ITPRID1: variants seen among roughly 807,000 people sequenced by gnomAD.
ITPRID1 encodes ITPR interacting domain containing 1, also known as protein ITPRID1.
ITPRID1 carries 96 observed loss-of-function variants against 95.4 expected under a neutral mutation model. The observed-to-expected ratio is 1.01, with a 90% confidence interval of 0.85 to 1.19. The LOEUF is 1.19. ITPRID1 is among the 50% of genes most tolerant of loss of function. ITPRID1 has a pLI of 0.00. For synonymous variants in ITPRID1, 510 were observed against 453.6 expected, an observed-to-expected ratio of 1.12 and a Z score of -1.58; for missense variants, 1,339 against 1,252.9, an observed-to-expected ratio of 1.07 and a Z score of -1.04.
chr7:31,572,209 T>C, intron 7 of ITPRID1, 21 bp downstream of exon 7: 1 of 1,490,764 alleles, frequency 6.7e-7, no homozygotes, highest in Non-Finnish European at 9.3e-7. Context: ...TCCAGGTGCT[T>C]TTCATCCTGA....
chr7:31,657,670 C>T (rs950911298), downstream of ITPRID1, among the ~76,000 whole-genome samples: 2 of 152,104 alleles, frequency 1.3e-5, no homozygotes, highest in African/African-American at 2.4e-5. Flanking sequence ...GTCCCAAGAT[C>T]CTGTATTCCT....
intron 10 of ITPRID1, among the ~76,000 whole-genome samples, chr7:31,630,069 T>C (rs921938069): frequency 2.6e-5 from 4 of 152,138 alleles, no homozygotes; most frequent in Non-Finnish European, 5.9e-5. Context: ...AATGAAATTG[T>C]CAACAAATAC....
chr7:31,600,400 G>A (rs754447421), intron 10 of ITPRID1, among the ~76,000 whole-genome samples: 1 of 152,154 alleles, frequency 6.6e-6, no homozygotes, highest in Non-Finnish European at 1.5e-5. Flanking sequence ...AAAGGGGATT[G>A]TTTAAAAAAT....
intron 1 of ITPRID1, among the ~76,000 whole-genome samples, chr7:31,520,841 A>G (rs1313988216): frequency 6.6e-6 from 1 of 152,022 alleles, no homozygotes; most frequent in African/African-American, 2.4e-5. Context: ...TAAGTTAAAC[A>G]TGAGTTAATA....
intron 1 of ITPRID1, among the ~76,000 whole-genome samples, chr7:31,516,825 G>C (rs1583448303): frequency 6.6e-6 from 1 of 152,108 alleles, no homozygotes; most frequent in African/African-American, 2.4e-5. Flanking sequence ...AGAAGTGGTG[G>C]GTTCTCGGTC....
chr7:31,605,600 A>G (rs2191344), intron 10 of ITPRID1, among the ~76,000 whole-genome samples: 5,603 of 152,300 alleles, frequency 0.037, 349 homozygotes, highest in African/African-American at 0.13. Flanking sequence ...TATGATAAGC[A>G]TGAGACTTTA....
chr7:31,586,551 A>G (rs1299678096), intron 10 of ITPRID1, among the ~76,000 whole-genome samples: 1 of 150,906 alleles, frequency 6.6e-6, no homozygotes, highest in Non-Finnish European at 1.5e-5. Context: ...GTGAGATGGT[A>G]TCTCATTGTG....
chr7:31,621,971 C>T (rs1787951104), intron 10 of ITPRID1, among the ~76,000 whole-genome samples: 1 of 146,524 alleles, frequency 6.8e-6, no homozygotes, highest in Non-Finnish European at 1.5e-5. Context: ...TCTGATAAAA[C>T]AGACTTTAAA....
chr7:31,566,760 C>T (rs1229421566), intron 5 of ITPRID1, among the ~76,000 whole-genome samples: 3 of 152,196 alleles, frequency 2.0e-5, no homozygotes, highest in Admixed American at 2.0e-4. Flanking sequence ...TTTCTCTCAT[C>T]TGACAACTTC....
At chr7:31,525,949 C>T (rs1783409246) in intron 1 of ITPRID1, among the ~76,000 whole-genome samples, 1 of 151,872 alleles carries the variant, frequency 6.6e-6, no homozygotes, top group Admixed American at 6.6e-5. Flanking sequence ...AACTTTCTGG[C>T]TCACTGGGAA....
rs1269164268 is a variant in ITPRID1 at position 31,651,997 on chromosome 7, T to C, written c.2770T>C (p.Leu924=). The C allele has an allele frequency of 2.5e-6, 4 of 1,606,068 alleles. No individual in the cohort carries two copies. Among genetic ancestry groups the C allele is most frequent in the East Asian group, 2.2e-5 (1 of 44,540 alleles). Residue 924 remains leucine (L), a synonymous_variant, in exon 14 of 15, where the codon TTG becomes CTG. Coordinates refer to ENST00000615280, the MANE Select transcript of ITPRID1 (RefSeq NM_001257967.3). ...REALRQQVAE[L]EFQLGDRAQQ... ...GGCCCTGAGGCAGCAGGTGGCAGAG[T>C]TGGAATTTCAGTTAGGAGACCGGGC...
chr7:31,558,622 A>G (rs2128138814), intron 5 of ITPRID1, among the ~76,000 whole-genome samples: 1 of 152,324 alleles, frequency 6.6e-6, no homozygotes, highest in East Asian at 1.9e-4. Flanking sequence ...GTAATAATGT[A>G]GTTTGTACTT....
chr7:31,603,053 A>G (rs777781891), intron 10 of ITPRID1, among the ~76,000 whole-genome samples: 2 of 151,978 alleles, frequency 1.3e-5, no homozygotes, highest in African/African-American at 2.4e-5. Flanking sequence ...GCCACACTTC[A>G]TAAAGTCGAG....
chr7:31,644,873 C>T (rs959875159), intron 12 of ITPRID1, among the ~76,000 whole-genome samples: 4 of 152,206 alleles, frequency 2.6e-5, no homozygotes, highest in African/African-American at 7.2e-5. Flanking sequence ...AGTGGAACCA[C>T]GATTTACTGA....
intron 12 of ITPRID1, 36 bp downstream of exon 12, chr7:31,643,989 T>G: frequency 1.9e-6 from 3 of 1,558,002 alleles, no homozygotes; most frequent in Non-Finnish European, 2.6e-6. Flanking sequence ...GAAAGGCAGA[T>G]GCACCCGTGA....
chr7:31,600,000 TTATTTTCTA>T (rs1190683549), intron 10 of ITPRID1, among the ~76,000 whole-genome samples: 3 of 152,136 alleles, frequency 2.0e-5, no homozygotes, highest in Non-Finnish European at 4.4e-5. Flanking sequence ...ACCCAGCCAG[TTATTTTCTA>T]TATTTTCTAT....
intron 10 of ITPRID1, among the ~76,000 whole-genome samples, chr7:31,604,566 C>T (rs113950795): frequency 6.6e-5 from 10 of 152,206 alleles, no homozygotes; most frequent in South Asian, 6.2e-4. Context: ...CCACACCAAA[C>T]GGGGAACAAA....
intron 10 of ITPRID1, among the ~76,000 whole-genome samples, chr7:31,637,450 C>T (rs1789598742): frequency 1.3e-5 from 2 of 152,158 alleles, no homozygotes; most frequent in Admixed American, 6.5e-5. Context: ...GAGATGGTAT[C>T]TCATTGTGGT....
intron 10 of ITPRID1, among the ~76,000 whole-genome samples, chr7:31,632,728 C>T (rs911301056): frequency 6.6e-6 from 1 of 152,090 alleles, no homozygotes; most frequent in Non-Finnish European, 1.5e-5. Context: ...AGACCGTCAT[C>T]CCTACTACTG....
Sources: allele counts gnomAD v4.1 joint callset (sites outside exome capture counted in the v4.1 genomes callset), GRCh38; gene constraint gnomAD v4.1.1; transcripts MANE v1.5; gene names NCBI Gene and HGNC (gene_info 2026-07-23, HGNC 2026-07-21).